Variants in ITSN1 observed in about 807,000 individuals in gnomAD.
The protein encoded by ITSN1 is intersectin 1, also known as intersectin-1.
ITSN1 carries 58 observed loss-of-function variants against 239.8 expected under a neutral mutation model. The ratio of observed to expected loss-of-function variants is 0.24; its 90% CI spans 0.20 to 0.30. The LOEUF is 0.30. Among genes scored for constraint, ITSN1 ranks in the 10% least tolerant of loss-of-function variants. The pLI is 1.00. For synonymous variants in ITSN1, 780 were observed against 770.8 expected (o/e 1.01, Z -0.20); for missense variants, 1,558 against 2,103.3 (o/e 0.74, Z 5.07).
rs1986643482 is a variant in ITSN1 at position 33,895,335 on chromosome 21, T to C, written c.*7035T>C. 6.6e-6 allele frequency: 1 copy of C among 152,466 alleles called. No homozygotes were observed. The highest frequency in any genetic ancestry group is 2.1e-4 in the South Asian group (1 of 4,844). 9.4% of individuals were successfully genotyped at this position (152,466 alleles called of 1,614,324 possible). ...GGGATTGGATTACAGTCTCTACTTG[T>C]AGACTTTGACTTCTGGAATTTTAGG... On this transcript the variant is annotated 3_prime_UTR_variant, in exon 40 of 40. Coordinates refer to ENST00000381318, the MANE Select transcript of ITSN1 (RefSeq NM_003024.3).
chr21:33,747,182 A>G (rs1323062369), intron 5 of ITSN1, among the ~76,000 whole-genome samples: 1 of 152,198 alleles, frequency 6.6e-6, no homozygotes, highest in African/African-American at 2.4e-5. Flanking sequence ...GAAAAGTTCA[A>G]TAACTAAAAT....
chr21:33,869,432 C>T (rs554122729), intron 33 of ITSN1, among the ~76,000 whole-genome samples: 2 of 152,384 alleles, frequency 1.3e-5, no homozygotes, highest in African/African-American at 4.8e-5. Context: ...ATTCAATTAT[C>T]TCCACCTGGT....
chr21:33,789,717 C>G (rs1296201016), intron 16 of ITSN1, among the ~76,000 whole-genome samples: 1 of 152,090 alleles, frequency 6.6e-6, no homozygotes, highest in East Asian at 1.9e-4. Flanking sequence ...TTGAGTGTCT[C>G]TAAGACCAGA....
At chr21:33,871,917 T>G (rs1369395751) in intron 33 of ITSN1, among the ~76,000 whole-genome samples, 1 of 152,064 alleles carries the variant, frequency 6.6e-6, no homozygotes, top group African/African-American at 2.4e-5. Flanking sequence ...GTCTGTAAAA[T>G]AGGGACACTG....
intron 19 of ITSN1, 114 bp downstream of exon 19, chr21:33,800,043 C>A: frequency 9.7e-7 from 1 of 1,029,870 alleles, no homozygotes. Context: ...CCCAATAATC[C>A]AGCATCTAGA....
chr21:33,735,463 C>T (rs940489391), intron 5 of ITSN1: 31 of 434,924 alleles, frequency 7.1e-5, no homozygotes, highest in South Asian at 8.9e-5. Context: ...ACTTACAGTC[C>T]GCTGCTGCAG....
chr21:33,830,205 T>C (rs1055440735), intron 27 of ITSN1, among the ~76,000 whole-genome samples: 1 of 152,220 alleles, frequency 6.6e-6, no homozygotes, highest in African/African-American at 2.4e-5. Flanking sequence ...CATATCATCT[T>C]GTTTACACAT....
intron 1 of ITSN1, among the ~76,000 whole-genome samples, chr21:33,671,873 A>G (rs949843682): frequency 6.6e-6 from 1 of 152,252 alleles, no homozygotes; most frequent in Non-Finnish European, 1.5e-5. Flanking sequence ...ATTTTGTTGT[A>G]TATCCATCTT....
chr21:33,726,290 G>A lies in ITSN1; in HGVS notation c.185+3639G>A, dbSNP rs182243728. 4.1e-3 allele frequency among the ~76,000 whole-genome samples: 629 copies of A among 151,952 alleles called. 3 individuals are homozygous for A. The highest frequency in any genetic ancestry group is 0.015 in the African/African-American group (610 of 41,438). ...ATTACAGGCATGACCCACTGCAGCC[G>A]GCCAAGCCTAGGTTTTTAAAATTGC... On this transcript the variant is annotated intron_variant, in intron 4 of 39. Coordinates refer to ENST00000381318, the MANE Select transcript of ITSN1 (RefSeq NM_003024.3).
At chr21:33,861,586 C>T (rs1282201550) in intron 31 of ITSN1, among the ~76,000 whole-genome samples, 5 of 152,124 alleles carry the variant, frequency 3.3e-5, no homozygotes, top group Non-Finnish European at 7.4e-5. Context: ...CAAGGTAGGG[C>T]CAGACAGGTC....
chr21:33,809,364 A>G (rs2072722948), intron 20 of ITSN1, among the ~76,000 whole-genome samples: 2 of 152,226 alleles, frequency 1.3e-5, no homozygotes, highest in African/African-American at 4.8e-5. Context: ...GCAAGCAGGC[A>G]TCCCCTACTT....
chr21:33,811,745 C>T lies in ITSN1; in HGVS notation c.2567+523C>T, dbSNP rs143347530. On this transcript the variant is annotated intron_variant, in intron 21 of 39. Coordinates refer to ENST00000381318, the MANE Select transcript of ITSN1 (RefSeq NM_003024.3). ...TTGCACTTGGCCAGTTAGTTCTGTG[C>T]CCTGGTTCATCAGGAAATGGCATTT... Among the ~76,000 whole-genome samples, 208 of 152,252 alleles carry T rather than the reference C, an allele frequency of 1.4e-3. 2 individuals are homozygous for T. In the East Asian group the frequency reaches 0.027, roughly 19 times the overall value.
chr21:33,718,128 T>C (rs1320077136), intron 1 of ITSN1, among the ~76,000 whole-genome samples: 2 of 152,186 alleles, frequency 1.3e-5, no homozygotes, highest in African/African-American at 4.8e-5. Context: ...TGATCCATAA[T>C]ATGGGGATGG....
chr21:33,875,649 G>T, intron 34 of ITSN1, 128 bp downstream of exon 34: 1 of 785,398 alleles, frequency 1.3e-6, no homozygotes, highest in South Asian at 1.8e-5. Flanking sequence ...CCATCCAGCT[G>T]CTTCTCATCT....
chr21:33,718,895 G>A, intron 2 of ITSN1, 39 bp downstream of exon 2: 1 of 1,558,270 alleles, frequency 6.4e-7, no homozygotes, highest in Non-Finnish European at 8.8e-7. Flanking sequence ...TGTACTTTGG[G>A]ACCAGATTTT....
At position 33,735,180 on chromosome 21, in the gene ITSN1, G is replaced by A; in HGVS notation, c.322G>A (p.Ala108Thr). 1 of 1,613,398 alleles carries A rather than the reference G, an allele frequency of 6.2e-7. No individual in the cohort carries two copies. Among genetic ancestry groups the A allele is most frequent in the Non-Finnish European group, 8.5e-7 (1 of 1,179,712 alleles). The change falls in exon 5 of 40, where the codon GCT becomes ACT. Residue 108 changes from alanine to threonine, a missense_variant. Transcript: ENST00000381318. Reference sequence around the variant, plus strand: ...CCCTGTCATGAAACAGCAACCAGTTGCTATTTCTAGCGCACCAGCATTTGG... The same window carrying A: ...CCCTGTCATGAAACAGCAACCAGTTACTATTTCTAGCGCACCAGCATTTGG... The part of the protein sequence containing the change: ...LPPVMKQQPV[A>T]ISSAPAFGMG...
intron 26 of ITSN1, chr21:33,829,344 G>A (rs926884004): frequency 2.5e-5 from 10 of 398,442 alleles, no homozygotes; most frequent in East Asian, 5.2e-5. Flanking sequence ...GGCAAGGAGC[G>A]GACTTCGTGG....
chr21:33,738,087 G>T (rs1601926031), intron 5 of ITSN1, among the ~76,000 whole-genome samples: 1 of 152,066 alleles, frequency 6.6e-6, no homozygotes, highest in East Asian at 2.0e-4. Context: ...GGAGGCTGAG[G>T]CAAGGGGATG....
chr21:33,648,660 A>G (rs917638561), intron 1 of ITSN1, among the ~76,000 whole-genome samples: 10 of 152,154 alleles, frequency 6.6e-5, no homozygotes, highest in Non-Finnish European at 1.3e-4. Context: ...GGCCAGGGCA[A>G]CATAGCAAGA....
Sources: gnomAD v4.1 joint callset for allele counts (sites outside exome capture counted in the v4.1 genomes callset) on GRCh38, gnomAD v4.1.1 for gene constraint, MANE v1.5 for transcripts, NCBI Gene and HGNC (gene_info 2026-07-23, HGNC 2026-07-21) for gene names.